CCDC22: variants seen among roughly 807,000 people sequenced by gnomAD.
CCDC22 encodes the protein CCC complex scaffolding subunit CCDC22.
In CCDC22, 4 loss-of-function variants were observed where a neutral mutation model predicts 53.1. That is an observed-to-expected ratio of 0.08 (90% CI 0.04 to 0.17). CCDC22 has a LOEUF of 0.17. Ranked by LOEUF, CCDC22 falls within the 10% of genes least tolerant of loss-of-function variation. The probability of loss-of-function intolerance (pLI) is 1.00; values close to 1 mark genes in which losing one functional copy is unlikely to be tolerated. For synonymous variants in CCDC22, 222 were observed against 224.4 expected (o/e 0.99, Z 0.10); for missense variants, 458 against 554.0 (o/e 0.83, Z 1.74).
In CCDC22 at chrX:49,247,879, A is replaced by T. The variant is rs782039693; in HGVS notation, c.1092+111A>T. On this transcript the variant is annotated intron_variant, in intron 9 of 16. Coordinates refer to ENST00000376227, the MANE Select transcript of CCDC22 (RefSeq NM_014008.5). ...TCTGTAGAGGTCTGCACATGGCAGA[A>T]GGGTTCCTGGGAGCCATTAGGGATC... 8 of 978,254 alleles carry T rather than the reference A, an allele frequency of 8.2e-6. No individual in the cohort carries two copies. The East Asian group carries it at 2.6e-4, about 31-fold the overall frequency. The allele number at this position is 978,254 out of a possible 1,213,427, so 80.6% of individuals were successfully genotyped here. A position where few individuals can be genotyped will look rare whatever the true frequency, so the allele number is the denominator to read the frequency against.
At chrX:49,248,769 A>C (rs1557114827) in intron 12 of CCDC22, 35 bp downstream of exon 12, 3 of 1,206,336 alleles carry the variant, frequency 2.5e-6, no homozygotes, top group Non-Finnish European at 3.4e-6. Flanking sequence ...GTAGCTTAGG[A>C]GGGTGGGGGG....
chrX:49,249,103 G>A (rs1287836428), intron 13 of CCDC22, 64 bp from the exon 14 acceptor site: 1 of 1,135,848 alleles, frequency 8.8e-7, no homozygotes, highest in Non-Finnish European at 1.2e-6. Context: ...GTACACATGA[G>A]GACCCTCCAC....
chrX:49,242,713 C>T (rs999576340), intron 3 of CCDC22, among the ~76,000 whole-genome samples, 173 bp from the exon 4 acceptor site: 3 of 111,320 alleles, frequency 2.7e-5, no homozygotes, highest in South Asian at 3.8e-4. Context: ...TCTAGAACAG[C>T]GACCTGTACA....
intron 16 of CCDC22, 57 bp from the exon 17 acceptor site, chrX:49,250,091 C>A: frequency 1.4e-6 from 1 of 726,097 alleles, no homozygotes; most frequent in Non-Finnish European, 2.1e-6. Flanking sequence ...GGCTGGTGAG[C>A]AGGAGCTGGG....
chrX:49,239,301 G>C (rs1459234602), intron 2 of CCDC22: 4 of 219,310 alleles, frequency 1.8e-5, no homozygotes, highest in Non-Finnish European at 2.6e-5. Flanking sequence ...TTGAGGCTAA[G>C]TTTCCACATG....
intron 13 of CCDC22, 87 bp from the exon 14 acceptor site, chrX:49,249,080 C>A (rs2066008722): frequency 2.7e-6 from 3 of 1,100,891 alleles, no homozygotes. Flanking sequence ...CACAGTGACA[C>A]AGTCCCTGTC....
intron 1 of CCDC22, among the ~76,000 whole-genome samples, 163 bp downstream of exon 1, chrX:49,235,849 A>ACACG (rs1255955910): frequency 1.1e-5 from 1 of 90,458 alleles, no homozygotes; most frequent in Admixed American, 1.2e-4. Flanking sequence ...ACACACACAC[A>ACACG]CACACACACA....
intron 2 of CCDC22, 87 bp from the exon 3 acceptor site, chrX:49,241,929 A>C: frequency 9.3e-7 from 1 of 1,076,763 alleles, no homozygotes; most frequent in Admixed American, 2.4e-5. Context: ...GGTTAGTGAG[A>C]AAGTGGGAGC....
At position 49,240,665 on chromosome X, in the gene CCDC22, C is replaced by G. The variant is rs782345279; in HGVS notation, c.229-1351C>G. Reference sequence around the variant, plus strand: ...TCCAGCTGTGTGCTGTCCCTGTAGCCCCCCCGCAACTCAGCACTGCCATGT... The same window carrying G: ...TCCAGCTGTGTGCTGTCCCTGTAGCGCCCCCGCAACTCAGCACTGCCATGT... On this transcript the variant is annotated intron_variant, in intron 2 of 16. Transcript: ENST00000376227. Among the ~76,000 whole-genome samples the G allele has an allele frequency of 1.2e-3, 132 of 111,861 alleles. 1 individual carries two copies. Among genetic ancestry groups the G allele is most frequent in the African/African-American group, 4.1e-3 (125 of 30,821 alleles).
At chrX:49,242,846 A>C (rs150871309) in intron 3 of CCDC22, 40 bp from the exon 4 acceptor site, 10,198 of 903,630 alleles carry the variant, frequency 0.011, 72 homozygotes, top group Non-Finnish European at 0.013. Context: ...TTGGATTTGC[A>C]GCATTGACAT....
At chrX:49,240,527 CT>C (rs1251099134) in intron 2 of CCDC22, among the ~76,000 whole-genome samples, 1 of 111,804 alleles carries the variant, frequency 8.9e-6, no homozygotes, top group Non-Finnish European at 1.9e-5. Flanking sequence ...GCACTCCAGC[CT>C]GAGCGACAGA....
intron 6 of CCDC22, among the ~76,000 whole-genome samples, 169 bp downstream of exon 6, chrX:49,243,631 C>T (rs1455548200): frequency 8.9e-6 from 1 of 112,493 alleles, no homozygotes; most frequent in African/African-American, 3.2e-5. Flanking sequence ...AAAAGGAGAA[C>T]CTGGGACAAG....
rs1221322392 is a variant in CCDC22, at chrX:49,243,912, C to T, written c.714+450C>T. ...CAAGCGATTCTCCTGCCTCAGCCTC[C>T]CAAGTAGCTGGGATTACAGGCTTGC... is the stretch of plus-strand genomic sequence containing the variant. On this transcript the variant is annotated intron_variant, in intron 6 of 16. Coordinates refer to ENST00000376227, the MANE Select transcript of CCDC22 (RefSeq NM_014008.5). 2.7e-5 allele frequency among the ~76,000 whole-genome samples: 3 copies of T among 112,171 alleles called. No individual in the cohort carries two copies. In the Admixed American group the frequency reaches 2.8e-4, roughly 11 times the overall value.
At position 49,247,543 on chromosome X, in the gene CCDC22, C is replaced by T; in HGVS notation, c.957C>T (p.Ser319=). The stretch of plus-strand genomic sequence containing the variant: ...AGGTGTCAGATGTGCCAGCCACCTC[C>T]CGGCGGCCTGAACAGGTGAGCAGAG... ...ATQVSDVPAT[S]RRPEQVTWAA... Residue 319 remains serine, a synonymous_variant, in exon 8 of 17, where the codon TCC becomes TCT. Transcript: ENST00000376227. 1 of 1,197,725 alleles carries T rather than the reference C, an allele frequency of 8.3e-7. No homozygotes were observed. Among genetic ancestry groups the T allele is most frequent in the Middle Eastern group, 2.4e-4 (1 of 4,236 alleles).
chrX:49,245,496 C>T (rs1200113501), intron 6 of CCDC22, among the ~76,000 whole-genome samples: 1 of 111,665 alleles, frequency 9.0e-6, no homozygotes, highest in East Asian at 2.8e-4. Flanking sequence ...CCTCAGCCTC[C>T]CACATAGCTA....
chrX:49,247,355 CAT>C (rs1477338907), intron 7 of CCDC22, 139 bp from the exon 8 acceptor site: 11 of 547,335 alleles, frequency 2.0e-5, no homozygotes, highest in Admixed American at 3.3e-5. Flanking sequence ...CCTTTACCCA[CAT>C]AGTCACAGTC....
rs782205749 is a variant in CCDC22 at position 49,242,000 on chromosome X, G to A, written c.229-16G>A. ...GGACCCTGCCTGCTTCCTGATAGCC[G>A]CCCACCAACCCTCAGGACCTGGGCT... is the stretch of plus-strand genomic sequence containing the variant. On this transcript the variant is annotated splice_polypyrimidine_tract_variant and intron_variant, in intron 2 of 16. Transcript: ENST00000376227. 4.5e-5 allele frequency: 54 copies of A among 1,206,436 alleles called. No individual in the cohort carries two copies. The highest frequency in any genetic ancestry group is 5.3e-5 in the South Asian group (3 of 56,415).
At chrX:49,238,808 A>G (rs1209763611) in intron 2 of CCDC22, among the ~76,000 whole-genome samples, 1 of 110,908 alleles carries the variant, frequency 9.0e-6, no homozygotes, top group Non-Finnish European at 1.9e-5. Context: ...GCCTCAAGCA[A>G]TCTTCCTGCC....
intron 1 of CCDC22, 72 bp downstream of exon 1, chrX:49,235,758 G>A (rs1339741637): frequency 2.0e-6 from 2 of 983,118 alleles, no homozygotes; most frequent in Non-Finnish European, 2.8e-6. Context: ...CCGTTTCCCG[G>A]GAACCTTAAA....
Sources: allele counts gnomAD v4.1 joint callset (sites outside exome capture counted in the v4.1 genomes callset), GRCh38; gene constraint gnomAD v4.1.1; transcripts MANE v1.5; gene names NCBI Gene and HGNC (gene_info 2026-07-23, HGNC 2026-07-21).